The following KCNQ3 variants were observed in gnomAD, a reference collection of about 807,000 sequenced individuals.
The protein encoded by KCNQ3 is potassium voltage-gated channel subfamily Q member 3.
In KCNQ3, 30 loss-of-function variants were observed where a neutral mutation model predicts 92.5. The ratio of observed to expected loss-of-function variants is 0.32; its 90% CI spans 0.24 to 0.44. The LOEUF (loss-of-function observed/expected upper bound fraction) is 0.44. Ranked by LOEUF, KCNQ3 falls within the 20% of genes least tolerant of loss-of-function variation. The probability of loss-of-function intolerance (pLI) is 1.00; values close to 1 mark genes in which losing one functional copy is unlikely to be tolerated. For synonymous variants in KCNQ3, 450 were observed against 468.8 expected (o/e 0.96, Z 0.52); for missense variants, 913 against 1,140.3 (o/e 0.80, Z 2.87).
At chr8:132,372,574 G>C (rs1819502950) in intron 1 of KCNQ3, among the ~76,000 whole-genome samples, 1 of 151,882 alleles carries the variant, frequency 6.6e-6, no homozygotes, top group Non-Finnish European at 1.5e-5. Context: ...TGACCAACAT[G>C]GTGAAACCCC....
intron 8 of KCNQ3, among the ~76,000 whole-genome samples, chr8:132,165,237 C>T (rs1450923517): frequency 6.6e-6 from 1 of 152,158 alleles, no homozygotes; most frequent in African/African-American, 2.4e-5. Context: ...CCAGCCAACT[C>T]CAAGTCACAA....
At chr8:132,479,628 G>GAC (rs71306386) in intron 1 of KCNQ3, among the ~76,000 whole-genome samples, 13,881 of 144,134 alleles carry the variant, frequency 0.096, 678 homozygotes, top group African/African-American at 0.13. Context: ...ACAAGCAAGC[G>GAC]ACACACACAC....
chr8:132,248,989 T>C (rs1294176409), intron 1 of KCNQ3, among the ~76,000 whole-genome samples: 2 of 152,184 alleles, frequency 1.3e-5, no homozygotes, highest in African/African-American at 4.8e-5. Flanking sequence ...TTCTGAAAGA[T>C]GGTGTGTCCG....
intron 1 of KCNQ3, among the ~76,000 whole-genome samples, chr8:132,419,217 A>G (rs1820901687): frequency 6.6e-6 from 1 of 152,294 alleles, no homozygotes; most frequent in Admixed American, 6.5e-5. Context: ...GCTGAACAAC[A>G]GTGTTCTCTC....
chr8:132,273,124 G>A (rs1816210541), intron 1 of KCNQ3, among the ~76,000 whole-genome samples: 1 of 152,128 alleles, frequency 6.6e-6, no homozygotes, highest in Admixed American at 6.6e-5. Context: ...ACTCTATGTG[G>A]GGGCTCTGAC....
chr8:132,205,431 G>A (rs1297786006), intron 1 of KCNQ3, among the ~76,000 whole-genome samples: 1 of 152,214 alleles, frequency 6.6e-6, no homozygotes, highest in African/African-American at 2.4e-5. Context: ...CCATGAAAAT[G>A]ATGCCAAATG....
intron 1 of KCNQ3, among the ~76,000 whole-genome samples, chr8:132,339,854 A>T (rs561956621): frequency 6.6e-6 from 1 of 152,078 alleles, no homozygotes; most frequent in Non-Finnish European, 1.5e-5. Flanking sequence ...GAGATGGGGT[A>T]GCTTTTATTG....
In KCNQ3 at chr8:132,124,039, C is replaced by CTACACATCATCCAGATGGTGCAACA. The variant is rs1308452290; in HGVS notation, c.*5198_*5222dup. The CTACACATCATCCAGATGGTGCAACA allele has an allele frequency of 1.3e-5, 2 of 152,122 alleles. No homozygotes were observed. The highest frequency in any genetic ancestry group is 2.9e-5 in the Non-Finnish European group (2 of 68,024). 9.4% of individuals were successfully genotyped at this position (152,122 alleles called of 1,614,324 possible). A position where few individuals can be genotyped will look rare whatever the true frequency, so the allele number is the denominator to read the frequency against. On this transcript the variant is annotated 3_prime_UTR_variant, in exon 15 of 15. Coordinates refer to ENST00000388996, the MANE Select transcript of KCNQ3 (RefSeq NM_004519.4). ...TATTTTTGCAATTTGGCTTTATCTC[C>CTACACATCATCCAGATGGTGCAACA]TACACATCATCCAGATGGTGCAACA... is the stretch of plus-strand genomic sequence containing the variant.
chr8:132,191,682 C>T (rs1471338665), intron 1 of KCNQ3, among the ~76,000 whole-genome samples: 1 of 150,958 alleles, frequency 6.6e-6, no homozygotes, highest in Admixed American at 6.6e-5. Flanking sequence ...CTATCTCTAT[C>T]TGTAATCTCT....
chr8:132,347,094 A>G (rs1818712229), intron 1 of KCNQ3, among the ~76,000 whole-genome samples: 1 of 152,102 alleles, frequency 6.6e-6, no homozygotes, highest in South Asian at 2.1e-4. Flanking sequence ...GCCCCTGTAG[A>G]TGTCTGAGTC....
At chr8:132,295,635 A>G (rs1202214856) in intron 1 of KCNQ3, among the ~76,000 whole-genome samples, 1 of 152,242 alleles carries the variant, frequency 6.6e-6, no homozygotes, top group East Asian at 1.9e-4. Flanking sequence ...AATAAGCCCA[A>G]ATGCCCAGCA....
chr8:132,264,602 G>A (rs954619749), intron 1 of KCNQ3, among the ~76,000 whole-genome samples: 3 of 152,162 alleles, frequency 2.0e-5, no homozygotes, highest in South Asian at 2.1e-4. Flanking sequence ...CATAAAACAC[G>A]ACATGTGCCA....
intron 1 of KCNQ3, among the ~76,000 whole-genome samples, chr8:132,384,104 A>G (rs1819831222): frequency 6.6e-6 from 1 of 152,178 alleles, no homozygotes; most frequent in Admixed American, 6.5e-5. Context: ...ACCTTCTACA[A>G]GAAGGCTTCT....
chr8:132,153,498 A>C (rs142576865), intron 9 of KCNQ3, among the ~76,000 whole-genome samples: 1,995 of 152,272 alleles, frequency 0.013, 41 homozygotes, highest in African/African-American at 0.044. Flanking sequence ...AGCCCTAGGA[A>C]AGAAAACTGG....
intron 1 of KCNQ3, among the ~76,000 whole-genome samples, chr8:132,252,318 G>T (rs1280564533): frequency 1.3e-5 from 2 of 151,850 alleles, no homozygotes; most frequent in Non-Finnish European, 2.9e-5. Flanking sequence ...CTTCCAGTGG[G>T]TCATGGTCTC....
chr8:132,306,321 C>A (rs1367698886), intron 1 of KCNQ3, among the ~76,000 whole-genome samples: 7 of 152,230 alleles, frequency 4.6e-5, no homozygotes, highest in Admixed American at 4.6e-4. Flanking sequence ...GCTTTTACAA[C>A]TTCCCCTCAG....
At chr8:132,438,498 A>C (rs1458839083) in intron 1 of KCNQ3, among the ~76,000 whole-genome samples, 1 of 152,062 alleles carries the variant, frequency 6.6e-6, no homozygotes, top group Non-Finnish European at 1.5e-5. Flanking sequence ...GTGATGACCA[A>C]CAGGAGATGT....
intron 1 of KCNQ3, among the ~76,000 whole-genome samples, chr8:132,390,333 A>ACCTCCC (rs1820018252): frequency 6.6e-6 from 1 of 152,198 alleles, no homozygotes; most frequent in African/African-American, 2.4e-5. Flanking sequence ...GCTTGAGTAG[A>ACCTCCC]AAGGGACAGT....
chr8:132,206,205 G>A (rs1813652017), intron 1 of KCNQ3, among the ~76,000 whole-genome samples: 1 of 152,098 alleles, frequency 6.6e-6, no homozygotes, highest in South Asian at 2.1e-4. Flanking sequence ...GGTCATCCCT[G>A]TCCTTCCACC....
Sources: gnomAD v4.1 joint callset for allele counts (sites outside exome capture counted in the v4.1 genomes callset) on GRCh38, gnomAD v4.1.1 for gene constraint, MANE v1.5 for transcripts, NCBI Gene and HGNC (gene_info 2026-07-23, HGNC 2026-07-21) for gene names.